GC: variants seen among roughly 807,000 people sequenced by gnomAD.
The protein encoded by GC is vitamin D-binding protein.
In GC, 43 loss-of-function variants were observed where a neutral mutation model predicts 56.7. The ratio of observed to expected loss-of-function variants is 0.76; its 90% CI spans 0.59 to 0.98. The LOEUF (loss-of-function observed/expected upper bound fraction) is 0.98, where lower values mean the gene tolerates loss of function less well. Ranked by LOEUF, GC falls within the 50% of genes least tolerant of loss-of-function variation. The pLI, the probability that GC is intolerant of heterozygous loss-of-function variation, is 0.00. For missense variants in GC, 529 were observed against 545.9 expected (o/e 0.97, Z 0.31); for synonymous variants, 216 against 202.7 (o/e 1.07, Z -0.56).
At chr4:71,767,781 A>T (rs1742203276) in intron 3 of GC, among the ~76,000 whole-genome samples, 1 of 151,848 alleles carries the variant, frequency 6.6e-6, no homozygotes. Flanking sequence ...TGTACAGTGT[A>T]CCTAATGTAT....
rs559868133 is a variant in GC, at chr4:71,764,508, G to A, written c.474-572C>T. On this transcript the variant is annotated intron_variant, in intron 4 of 12. Coordinates refer to ENST00000273951, the MANE Select transcript of GC (RefSeq NM_000583.4). ...TTATTCACTTAATGTCTGGTCAGGT[G>A]CATCACCCATGGTATCTGCTTGTTA... is the stretch of plus-strand genomic sequence containing the variant. Among the ~76,000 whole-genome samples, 62 of 152,222 alleles carry A rather than the reference G, an allele frequency of 4.1e-4. No homozygotes were observed. The South Asian group carries it at 0.012, about 31-fold the overall frequency.
At chr4:71,764,689 A>T (rs1198947309) in intron 4 of GC, among the ~76,000 whole-genome samples, 1 of 152,158 alleles carries the variant, frequency 6.6e-6, no homozygotes. Context: ...GTCCTTATGG[A>T]TCTAAAAGGG....
intron 1 of GC, among the ~76,000 whole-genome samples, chr4:71,779,346 G>C (rs930148288): frequency 2.0e-5 from 3 of 151,862 alleles, no homozygotes; most frequent in Non-Finnish European, 2.9e-5. Flanking sequence ...GGACTGGTAG[G>C]TGTTATTTGT....
At chr4:71,784,993 T>C (rs1309170537), upstream of GC, among the ~76,000 whole-genome samples, 1 of 151,700 alleles carries the variant, frequency 6.6e-6, no homozygotes. Context: ...ACTCCTGGTT[T>C]TTGCAGTAGC....
At chr4:71,778,080 G>A (rs1742567036) in intron 1 of GC, among the ~76,000 whole-genome samples, 1 of 151,696 alleles carries the variant, frequency 6.6e-6, no homozygotes, top group South Asian at 2.1e-4. Flanking sequence ...GAATTCAGCT[G>A]CATCAGCAGA....
intron 1 of GC, among the ~76,000 whole-genome samples, chr4:71,775,074 G>A (rs545627195): frequency 7.8e-4 from 115 of 147,832 alleles, no homozygotes; most frequent in Non-Finnish European, 1.2e-3. Context: ...GCAGGGTTTG[G>A]CACAGGAAAA....
At chr4:71,748,853 G>A (rs981781109) in intron 11 of GC, among the ~76,000 whole-genome samples, 10 of 152,136 alleles carry the variant, frequency 6.6e-5, no homozygotes, top group Non-Finnish European at 5.9e-5. Context: ...ATGACAAGTA[G>A]AGACTGATCC....
chr4:71,775,506 A>G (rs1742480745), intron 1 of GC, among the ~76,000 whole-genome samples: 1 of 152,000 alleles, frequency 6.6e-6, no homozygotes, highest in South Asian at 2.1e-4. Context: ...TCAACTCAAA[A>G]TGGATTAAAG....
chr4:71,743,822 T>C (rs1370146301), intron 12 of GC, among the ~76,000 whole-genome samples: 1 of 152,174 alleles, frequency 6.6e-6, no homozygotes, highest in Non-Finnish European at 1.5e-5. Context: ...TAGATAAAAT[T>C]GAGCTCAAAA....
chr4:71,763,752 A>T (rs1742061784), intron 5 of GC, 52 bp downstream of exon 5: 1 of 1,433,484 alleles, frequency 7.0e-7, no homozygotes, highest in South Asian at 1.3e-5. Flanking sequence ...TCTAAAAGGA[A>T]TGCTATTAGA....
At chr4:71,790,011 T>G (rs957373807) in intron 1 of GC, among the ~76,000 whole-genome samples, 1 of 151,998 alleles carries the variant, frequency 6.6e-6, no homozygotes, top group African/African-American at 2.4e-5. Flanking sequence ...CCCTTGTAGT[T>G]TTTAGTCTAT....
chr4:71,766,191 G>C (rs750699305), intron 3 of GC, among the ~76,000 whole-genome samples: 1 of 152,110 alleles, frequency 6.6e-6, no homozygotes, highest in Non-Finnish European at 1.5e-5. Flanking sequence ...TCTTGAACCG[G>C]CTTTTGCATC....
upstream of GC, among the ~76,000 whole-genome samples, chr4:71,787,631 G>C (rs996549597): frequency 6.6e-6 from 1 of 151,764 alleles, no homozygotes; most frequent in Non-Finnish European, 1.5e-5. Context: ...AGAATGGGAG[G>C]GGTAAGAGTA....
chr4:71,787,271 C>T (rs892116814), upstream of GC, among the ~76,000 whole-genome samples: 1 of 151,840 alleles, frequency 6.6e-6, no homozygotes, highest in Non-Finnish European at 1.5e-5. Context: ...ATCCTACTTA[C>T]CTCTAAAAAG....
chr4:71,744,967 A>G, intron 12 of GC, among the ~76,000 whole-genome samples: 1 of 152,196 alleles, frequency 6.6e-6, no homozygotes, highest in East Asian at 1.9e-4. Context: ...TTGGGACATG[A>G]TATTTGTATA....
chr4:71,772,238 A>G (rs534691988), intron 1 of GC, among the ~76,000 whole-genome samples: 1 of 152,248 alleles, frequency 6.6e-6, no homozygotes, highest in Non-Finnish European at 1.5e-5. Context: ...GACATACACA[A>G]AATAGCCCTA....
intron 3 of GC, among the ~76,000 whole-genome samples, chr4:71,767,793 G>A (rs1230506369): frequency 6.6e-6 from 1 of 151,826 alleles, no homozygotes; most frequent in Non-Finnish European, 1.5e-5. Context: ...CTAATGTATA[G>A]TTTTTTATCC....
upstream of GC, chr4:71,786,149 T>G (rs973195988): frequency 6.6e-6 from 1 of 151,896 alleles, no homozygotes; most frequent in African/African-American, 2.4e-5. Context: ...AGATGCCCTC[T>G]TGAGAAATCT....
intron 1 of GC, among the ~76,000 whole-genome samples, chr4:71,798,036 T>A (rs1427447392): frequency 6.6e-6 from 1 of 152,244 alleles, no homozygotes; most frequent in Non-Finnish European, 1.5e-5. Context: ...TCTTCAACCT[T>A]TGTTGTCTCT....
Sources: gnomAD v4.1 joint callset for allele counts (sites outside exome capture counted in the v4.1 genomes callset) on GRCh38, gnomAD v4.1.1 for gene constraint, MANE v1.5 for transcripts, NCBI Gene and HGNC (gene_info 2026-07-23, HGNC 2026-07-21) for gene names.